Variants in GALNTL6 observed in about 807,000 individuals in gnomAD.
The protein encoded by GALNTL6 is polypeptide N-acetylgalactosaminyltransferase like 6, also known as polypeptide N-acetylgalactosaminyltransferase-like 6.
In GALNTL6, 46 loss-of-function variants were observed where a neutral mutation model predicts 73.7. That is an observed-to-expected ratio of 0.62 (90% CI 0.49 to 0.80). The LOEUF (loss-of-function observed/expected upper bound fraction) is 0.80, where lower values mean the gene tolerates loss of function less well. Ranked by LOEUF, GALNTL6 falls within the 30% of genes least tolerant of loss-of-function variation. GALNTL6 has a pLI of 0.00. For synonymous variants in GALNTL6, 259 were observed against 263.7 expected (o/e 0.98, Z 0.17); for missense variants, 604 against 755.0 (o/e 0.80, Z 2.34).
At chr4:172,309,772 A>C (rs895056367) in intron 3 of GALNTL6, among the ~76,000 whole-genome samples, 1 of 152,098 alleles carries the variant, frequency 6.6e-6, no homozygotes, top group Non-Finnish European at 1.5e-5. Context: ...TGGTAGCTGA[A>C]TAAGAAGTAT....
intron 2 of GALNTL6, among the ~76,000 whole-genome samples, chr4:171,977,597 T>C (rs563056262): frequency 2.2e-4 from 34 of 152,216 alleles, no homozygotes; most frequent in African/African-American, 8.2e-4. Context: ...ACCCACTCAT[T>C]TTAACTTTAA....
At chr4:172,865,972 A>C (rs1278209938) in intron 7 of GALNTL6, among the ~76,000 whole-genome samples, 1 of 152,198 alleles carries the variant, frequency 6.6e-6, no homozygotes, top group East Asian at 1.9e-4. Context: ...AAACCTTCTA[A>C]GTGAAACCAC....
At chr4:171,956,450 G>A (rs1325544853) in intron 2 of GALNTL6, among the ~76,000 whole-genome samples, 12 of 152,098 alleles carry the variant, frequency 7.9e-5, no homozygotes, top group Admixed American at 6.6e-4. Flanking sequence ...ATATGACAGG[G>A]TTGATAAAAA....
At chr4:172,955,931 A>T (rs1182609656) in intron 10 of GALNTL6, among the ~76,000 whole-genome samples, 1 of 152,182 alleles carries the variant, frequency 6.6e-6, no homozygotes, top group Non-Finnish European at 1.5e-5. Context: ...GTCATCAGTT[A>T]AGGCAGGAAC....
intron 2 of GALNTL6, among the ~76,000 whole-genome samples, chr4:171,840,487 C>T (rs1353703950): frequency 6.6e-6 from 1 of 152,172 alleles, no homozygotes; most frequent in East Asian, 1.9e-4. Context: ...TCTCTCCACA[C>T]AGGCCTTAAG....
At chr4:171,984,075 A>T (rs1265731594) in intron 2 of GALNTL6, among the ~76,000 whole-genome samples, 1 of 152,014 alleles carries the variant, frequency 6.6e-6, no homozygotes, top group Non-Finnish European at 1.5e-5. Context: ...GACCACTCCC[A>T]TCCAGATGCA....
intron 3 of GALNTL6, among the ~76,000 whole-genome samples, chr4:172,255,906 A>G (rs1738059077): frequency 6.6e-6 from 1 of 151,494 alleles, no homozygotes; most frequent in South Asian, 2.1e-4. Context: ...AGAATGAACA[A>G]TATCCATTTT....
intron 5 of GALNTL6, among the ~76,000 whole-genome samples, chr4:172,367,798 CAT>C (rs201582510): frequency 0.017 from 2,585 of 152,256 alleles, 35 homozygotes; most frequent in Middle Eastern, 0.027. Context: ...ACTTACTGCA[CAT>C]GTTTTCTTCC....
intron 5 of GALNTL6, among the ~76,000 whole-genome samples, chr4:172,584,207 AG>A (rs1380352597): frequency 6.6e-6 from 1 of 152,144 alleles, no homozygotes; most frequent in Non-Finnish European, 1.5e-5. Context: ...CAGCTTGTTT[AG>A]GGGATTAGAA....
At chr4:172,413,085 C>G (rs1357002108) in intron 5 of GALNTL6, among the ~76,000 whole-genome samples, 1 of 152,144 alleles carries the variant, frequency 6.6e-6, no homozygotes, top group East Asian at 1.9e-4. Context: ...TTCTCATTAG[C>G]CAGAAGTGAA....
At chr4:172,218,685 A>G (rs1214462930) in intron 2 of GALNTL6, among the ~76,000 whole-genome samples, 2 of 152,102 alleles carry the variant, frequency 1.3e-5, no homozygotes, top group African/African-American at 4.8e-5. Context: ...TGTAAGGACA[A>G]GAAGACAATC....
intron 2 of GALNTL6, among the ~76,000 whole-genome samples, chr4:171,939,624 T>G (rs147188925): frequency 6.6e-6 from 1 of 152,136 alleles, no homozygotes; most frequent in Non-Finnish European, 1.5e-5. Flanking sequence ...ACTGAAAGAT[T>G]GAGATGAAAG....
chr4:171,821,640 GATATATATATAT>G (rs3080305), intron 2 of GALNTL6, among the ~76,000 whole-genome samples: 104,244 of 146,268 alleles, frequency 0.71, 38,736 homozygotes, highest in Admixed American at 0.84. Flanking sequence ...AGGCTTAACG[GATATATATATAT>G]ATATATATAT....
At chr4:172,431,622 A>G (rs189013042) in intron 5 of GALNTL6, among the ~76,000 whole-genome samples, 41 of 152,284 alleles carry the variant, frequency 2.7e-4, no homozygotes, top group African/African-American at 9.6e-4. Flanking sequence ...TTAGAATGTG[A>G]ATACCATATT....
At chr4:172,764,089 G>C (rs1439949025) in intron 5 of GALNTL6, among the ~76,000 whole-genome samples, 3 of 151,872 alleles carry the variant, frequency 2.0e-5, no homozygotes, top group Non-Finnish European at 4.4e-5. Context: ...CTCCCAAGTA[G>C]CTGGGATTAC....
intron 2 of GALNTL6, among the ~76,000 whole-genome samples, chr4:171,902,235 G>A (rs902843567): frequency 4.6e-5 from 7 of 152,156 alleles, no homozygotes; most frequent in African/African-American, 1.7e-4. Flanking sequence ...TAAACAAAGT[G>A]ATAAATCTTC....
intron 5 of GALNTL6, among the ~76,000 whole-genome samples, chr4:172,711,122 T>C (rs573190751): frequency 1.3e-4 from 20 of 152,218 alleles, no homozygotes; most frequent in Admixed American, 1.3e-3. Context: ...AATTGGGGTG[T>C]ATGCGGTAGG....
chr4:172,339,584 A>G (rs1054769262), intron 4 of GALNTL6, among the ~76,000 whole-genome samples: 11 of 152,176 alleles, frequency 7.2e-5, no homozygotes, highest in Admixed American at 1.3e-4. Flanking sequence ...ATGCTCCTGG[A>G]TTAAAAATGG....
intron 2 of GALNTL6, among the ~76,000 whole-genome samples, chr4:172,073,866 A>G (rs1277457324): frequency 3.3e-5 from 5 of 152,190 alleles, no homozygotes; most frequent in Admixed American, 2.6e-4. Flanking sequence ...GGACTCTGTA[A>G]GTCAAAGCAA....
Sources: allele counts gnomAD v4.1 joint callset (sites outside exome capture counted in the v4.1 genomes callset), GRCh38; gene constraint gnomAD v4.1.1; transcripts MANE v1.5; gene names NCBI Gene and HGNC (gene_info 2026-07-23, HGNC 2026-07-21).